Variants in PDE6A observed in about 807,000 individuals in gnomAD.
PDE6A encodes the protein rod cGMP-specific 3',5'-cyclic phosphodiesterase subunit alpha.
A neutral mutation model predicts 106.3 loss-of-function variants in PDE6A; 84 were observed. The observed-to-expected ratio is 0.79, with a 90% confidence interval of 0.66 to 0.95. The LOEUF is 0.95. Ranked by LOEUF, PDE6A falls within the 40% of genes least tolerant of loss-of-function variation. The pLI, the probability that PDE6A is intolerant of heterozygous loss-of-function variation, is 0.00. For synonymous variants in PDE6A, 394 were observed against 386.6 expected, an observed-to-expected ratio of 1.02 and a Z score of -0.23; for missense variants, 1,052 against 1,084.9, an observed-to-expected ratio of 0.97 and a Z score of 0.43.
At chr5:149,905,810 C>T (rs1207932640) in intron 7 of PDE6A, among the ~76,000 whole-genome samples, 2 of 152,180 alleles carry the variant, frequency 1.3e-5, no homozygotes, top group African/African-American at 4.8e-5. Context: ...CAGTCCTAGT[C>T]CTTCAGATCC....
chr5:149,869,851 G>A (rs1581151347), intron 17 of PDE6A, among the ~76,000 whole-genome samples: 1 of 152,178 alleles, frequency 6.6e-6, no homozygotes, highest in Non-Finnish European at 1.5e-5. Context: ...GGGAGAGGGA[G>A]GAGTGAGAGA....
intron 13 of PDE6A, among the ~76,000 whole-genome samples, chr5:149,888,804 C>CTGGG (rs1420190170): frequency 2.0e-5 from 3 of 151,942 alleles, no homozygotes; most frequent in African/African-American, 2.4e-5. Context: ...AAGAAAATGG[C>CTGGG]TGGGTGCGGT....
rs780917013 is a variant in PDE6A, at chr5:149,867,787, C to A, written c.2212G>T (p.Val738Leu). The A allele has an allele frequency of 6.2e-7, 1 of 1,613,402 alleles. No individual in the cohort carries two copies. Among genetic ancestry groups the A allele is most frequent in the East Asian group, 2.2e-5 (1 of 44,864 alleles). ...WEVQSQVALL[V>L]AAEFWEQGDL... ...CCTTGTTCCCAGAATTCAGCAGCCACCAGCAGAGCTACCTGCAACAGACAG... is the reference window on the plus strand; with the variant it reads ...CCTTGTTCCCAGAATTCAGCAGCCAACAGCAGAGCTACCTGCAACAGACAG... The change falls in exon 19 of 22, where the codon GTG (valine) becomes TTG (leucine). Residue 738 changes from valine to leucine, a missense_variant. Transcript: ENST00000255266.
chr5:149,905,929 C>T (rs1036900658), intron 7 of PDE6A, among the ~76,000 whole-genome samples: 2 of 152,116 alleles, frequency 1.3e-5, no homozygotes, highest in African/African-American at 4.8e-5. Context: ...GCAATCATAC[C>T]TCACTGCAGC....
intron 17 of PDE6A, among the ~76,000 whole-genome samples, chr5:149,881,542 C>T (rs996137007): frequency 5.3e-5 from 8 of 152,088 alleles, no homozygotes; most frequent in African/African-American, 1.7e-4. Flanking sequence ...GTGAGATAAA[C>T]ATTACATATA....
intron 21 of PDE6A, 31 bp from the exon 22 acceptor site, chr5:149,861,002 G>A: frequency 1.2e-6 from 2 of 1,601,500 alleles, no homozygotes; most frequent in South Asian, 1.1e-5. Context: ...GAACACACCA[G>A]GTGACAAGAG....
At chr5:149,879,057 TTTTA>T (rs776957897) in intron 17 of PDE6A, among the ~76,000 whole-genome samples, 7 of 152,008 alleles carry the variant, frequency 4.6e-5, no homozygotes, top group East Asian at 1.9e-4. Flanking sequence ...TTTTATTTTG[TTTTA>T]TTTATTTATT....
intron 6 of PDE6A, among the ~76,000 whole-genome samples, chr5:149,912,866 G>T (rs1443766655): frequency 6.6e-6 from 1 of 152,106 alleles, no homozygotes; most frequent in Non-Finnish European, 1.5e-5. Flanking sequence ...GTTAGGGACT[G>T]GGTGGTAGGC....
rs750894913 is a variant in PDE6A at position 149,933,977 on chromosome 5, C to T, written c.670G>A (p.Val224Met). ...TTGTGCAGGTAACTCAGGTGGTACA[C>T]CTTCATGATTAGATTTGCAAAATTG... ...YLNFANLIMK[V>M]YHLSYLHNCE... is the part of the protein sequence containing the mutation. Residue 224 changes from valine (V) to methionine (M), a missense_variant, in exon 3 of 22, where the codon GTG becomes ATG. This residue lies in a region of PDE6A where 913 missense variants were observed against 915.2 expected (regional missense o/e 1.00). Transcript: ENST00000255266. 6 of 1,613,848 alleles carry T rather than the reference C, an allele frequency of 3.7e-6. No individual in the cohort carries two copies. In the South Asian group the frequency reaches 6.6e-5, roughly 18 times the overall value.
At chr5:149,906,779 TA>T (rs1231088392) in intron 7 of PDE6A, among the ~76,000 whole-genome samples, 6 of 151,990 alleles carry the variant, frequency 3.9e-5, no homozygotes, top group African/African-American at 1.2e-4. Context: ...TATTTATTAT[TA>T]TTTTTTTTTG....
intron 16 of PDE6A, among the ~76,000 whole-genome samples, 183 bp downstream of exon 16, chr5:149,884,296 A>G (rs916646931): frequency 5.1e-5 from 7 of 137,464 alleles, no homozygotes; most frequent in Non-Finnish European, 8.0e-5. Context: ...ATGTGTATAT[A>G]TGTATATATG....
rs1561684651 is a variant in PDE6A, at chr5:149,870,946, G to GAAAAGAAAAGAAA, written c.2136-2789_2136-2788insTTTCTTTTCTTTT. Among the ~76,000 whole-genome samples the GAAAAGAAAAGAAA allele has an allele frequency of 1.2e-3, 180 of 147,886 alleles. 1 individual carries two copies. Among genetic ancestry groups the GAAAAGAAAAGAAA allele is most frequent in the African/African-American group, 4.2e-3 (165 of 39,634 alleles). ...GAAGAAAGAAAGGAAGAGAAGAGAA[G>GAAAAGAAAAGAAA]AGAAAAGAAAAGAAAAGAAAAAAAG... On this transcript the variant is annotated intron_variant, in intron 17 of 21. Transcript: ENST00000255266.
At chr5:149,888,680 G>A (rs981835631) in intron 13 of PDE6A, among the ~76,000 whole-genome samples, 8 of 138,554 alleles carry the variant, frequency 5.8e-5, no homozygotes, top group Admixed American at 3.5e-4. Flanking sequence ...ACTCCAAAAT[G>A]AGAAGAGGAA....
intron 17 of PDE6A, among the ~76,000 whole-genome samples, chr5:149,869,329 CAAA>C (rs11316552): frequency 8.4e-4 from 77 of 91,376 alleles, no homozygotes; most frequent in African/African-American, 2.7e-3. Flanking sequence ...GACTCCATAT[CAAA>C]AAAAAAAAAA....
rs1754402337 is a variant in PDE6A, at chr5:149,944,184, A to G, written c.474+16T>C. 1 of 1,595,640 alleles carries G rather than the reference A, an allele frequency of 6.3e-7. No homozygotes were observed. Among genetic ancestry groups the G allele is most frequent in the South Asian group, 1.1e-5 (1 of 90,490 alleles). ...AATAATGCCCCATGCCCTCTCTCTCATGGGGAAGAGAGTACCTCCTCTGTG... is the reference window on the plus strand; with the variant it reads ...AATAATGCCCCATGCCCTCTCTCTCGTGGGGAAGAGAGTACCTCCTCTGTG... On this transcript the variant is annotated intron_variant, in intron 1 of 21. Coordinates refer to ENST00000255266, the MANE Select transcript of PDE6A (RefSeq NM_000440.3).
chr5:149,921,782 C>T, intron 4 of PDE6A, 73 bp from the exon 5 acceptor site: 1 of 1,162,158 alleles, frequency 8.6e-7, no homozygotes, highest in Non-Finnish European at 1.3e-6. Context: ...TGTCCCACCT[C>T]CATGAGTCAG....
chr5:149,893,874 C>T (rs769664402), intron 13 of PDE6A, among the ~76,000 whole-genome samples: 11 of 152,060 alleles, frequency 7.2e-5, no homozygotes, highest in Non-Finnish European at 1.2e-4. Flanking sequence ...GATAGCTTGC[C>T]CCTGAAAGTT....
intron 13 of PDE6A, 82 bp from the exon 14 acceptor site, chr5:149,886,456 G>T: frequency 1.0e-6 from 1 of 994,932 alleles, no homozygotes. Flanking sequence ...TAAGGAGGAG[G>T]GCCCAGAACT....
rs1160720552 is a variant in PDE6A, at chr5:149,896,788, C to CA, written c.1408-13dup. On this transcript the variant is annotated splice_polypyrimidine_tract_variant and intron_variant, in intron 10 of 21. Coordinates refer to ENST00000255266, the MANE Select transcript of PDE6A (RefSeq NM_000440.3). ...ACCTCTCTGGTTTTCTGCCAGGACC[C>CA]AAAATGGCAGGGGAAAAAAAATAGG... The CA allele has an allele frequency of 6.2e-7, 1 of 1,613,980 alleles. No individual in the cohort carries two copies. Among genetic ancestry groups the CA allele is most frequent in the Non-Finnish European group, 8.5e-7 (1 of 1,179,952 alleles).
Sources: gnomAD v4.1 joint callset for allele counts (sites outside exome capture counted in the v4.1 genomes callset) on GRCh38, gnomAD v4.1.1 for gene constraint, gnomAD v4.1.1 regional missense constraint, MANE v1.5 for transcripts, NCBI Gene and HGNC (gene_info 2026-07-23, HGNC 2026-07-21) for gene names.